Variants in MYOF observed in about 807,000 individuals in gnomAD.
MYOF encodes the protein myoferlin.
In MYOF, 244 loss-of-function variants were observed where a neutral mutation model predicts 284.2. The ratio of observed to expected loss-of-function variants is 0.86; its 90% CI spans 0.77 to 0.95. The LOEUF (loss-of-function observed/expected upper bound fraction) is 0.95. MYOF is among the 40% of genes least tolerant of loss of function. The probability of loss-of-function intolerance (pLI) is 0.00; values close to 1 mark genes in which losing one functional copy is unlikely to be tolerated. For missense variants in MYOF, 2,496 were observed against 2,560.6 expected (o/e 0.97, Z 0.54); for synonymous variants, 904 against 919.7 (o/e 0.98, Z 0.31).
chr10:93,307,932 G>A (rs1264037942), intron 53 of MYOF, among the ~76,000 whole-genome samples: 1 of 150,086 alleles, frequency 6.7e-6, no homozygotes, highest in Non-Finnish European at 1.5e-5. Context: ...GCTGCCAACA[G>A]AATCTAAATC....
Position 93,313,229 on chromosome 10 carries a change from G to A in MYOF, c.5699-19C>T. The stretch of plus-strand genomic sequence containing the variant: ...AGGAAACCTAGCCAAGGAAACAACA[G>A]TAAGTCCAAATGAGCTTCAAGTGGA... On this transcript the variant is annotated intron_variant, in intron 50 of 53. Coordinates refer to ENST00000359263, the MANE Select transcript of MYOF (RefSeq NM_013451.4). The A allele has an allele frequency of 1.9e-6, 3 of 1,607,482 alleles. No homozygotes were observed. Among genetic ancestry groups the A allele is most frequent in the African/African-American group, 1.3e-5 (1 of 74,904 alleles).
Position 93,366,411 on chromosome 10 carries a change from T to C in MYOF, c.2734A>G (p.Ile912Val), listed in dbSNP as rs368803942. ...ACTTACCTTCTTTCAGGATCAACTA[T>C]CCACTCTCCTTCCCATTCCCAGCCT... The part of the protein sequence containing the change: ...PKGWEWEGEW[I>V]VDPERSLLTE... The change falls in exon 26 of 54, where the codon ATA becomes GTA. Residue 912 changes from isoleucine (I) to valine (V), a missense_variant. Coordinates refer to ENST00000359263, the MANE Select transcript of MYOF (RefSeq NM_013451.4). 96 of 1,613,234 alleles carry C rather than the reference T, an allele frequency of 6.0e-5. No individual in the cohort carries two copies. Among genetic ancestry groups the C allele is most frequent in the Non-Finnish European group, 7.8e-5 (92 of 1,179,874 alleles).
At chr10:93,316,594 C>G (rs376308317) in intron 50 of MYOF, 120 bp downstream of exon 50, 1 of 865,708 alleles carries the variant, frequency 1.2e-6, no homozygotes, top group Non-Finnish European at 1.9e-6. Context: ...CCCTGTCCCC[C>G]CACCAGGCCC....
intron 1 of MYOF, among the ~76,000 whole-genome samples, chr10:93,460,382 T>C (rs921153498): frequency 1.3e-5 from 2 of 152,210 alleles, no homozygotes; most frequent in African/African-American, 2.4e-5. Flanking sequence ...CATTTGTTCA[T>C]TCATTCATTC....
At chr10:93,427,492 C>T (rs989988483) in intron 4 of MYOF, among the ~76,000 whole-genome samples, 2 of 135,566 alleles carry the variant, frequency 1.5e-5, no homozygotes, top group Non-Finnish European at 3.0e-5. Flanking sequence ...GATCGTGCCA[C>T]TGCACTCCAG....
At chr10:93,399,867 T>A (rs1459185091) in intron 12 of MYOF, among the ~76,000 whole-genome samples, 1 of 89,322 alleles carries the variant, frequency 1.1e-5, no homozygotes, top group South Asian at 5.3e-4. Context: ...CAAGACTCCA[T>A]CTCAAAACAA....
chr10:93,335,616 G>A (rs77920755), intron 41 of MYOF, among the ~76,000 whole-genome samples: 3,219 of 134,732 alleles, frequency 0.024, 125 homozygotes, highest in African/African-American at 0.081. Flanking sequence ...GAAGAGATGC[G>A]GAGATGGCTC....
intron 37 of MYOF, among the ~76,000 whole-genome samples, chr10:93,344,493 C>T (rs985608523): frequency 1.8e-4 from 27 of 151,854 alleles, no homozygotes; most frequent in Admixed American, 6.6e-5. Flanking sequence ...TAAGTGAGAA[C>T]ATACAGAGAG....
intron 19 of MYOF, among the ~76,000 whole-genome samples, chr10:93,383,436 G>A (rs1846217363): frequency 6.6e-6 from 1 of 152,146 alleles, no homozygotes; most frequent in African/African-American, 2.4e-5. Context: ...TGAATGACCT[G>A]AGGAAGCTTT....
At chr10:93,325,056 G>A (rs1358338257) in intron 46 of MYOF, among the ~76,000 whole-genome samples, 1 of 152,134 alleles carries the variant, frequency 6.6e-6, no homozygotes, top group Non-Finnish European at 1.5e-5. Flanking sequence ...GGGATTATAG[G>A]CATAAGCCAC....
chr10:93,361,393 C>T, intron 28 of MYOF, 59 bp downstream of exon 28: 1 of 1,547,670 alleles, frequency 6.5e-7, no homozygotes, highest in Non-Finnish European at 8.9e-7. Flanking sequence ...GAAACTTTAT[C>T]CTGGTTAACC....
At chr10:93,372,881 A>G (rs1845653775) in intron 24 of MYOF, 49 bp downstream of exon 24, 3 of 1,604,250 alleles carry the variant, frequency 1.9e-6, no homozygotes, top group Non-Finnish European at 2.6e-6. Context: ...TCTCAGGAAT[A>G]CAGCTTTTGC....
At chr10:93,343,359 A>T (rs1844020702) in intron 38 of MYOF, among the ~76,000 whole-genome samples, 1 of 152,230 alleles carries the variant, frequency 6.6e-6, no homozygotes, top group African/African-American at 2.4e-5. Flanking sequence ...AAATATGGTC[A>T]TTAGAAATTT....
chr10:93,333,196 A>G, intron 43 of MYOF, 25 bp downstream of exon 43: 1 of 1,593,054 alleles, frequency 6.3e-7, no homozygotes, highest in Non-Finnish European at 8.6e-7. Flanking sequence ...TGAAGGCCAG[A>G]AAAACATTTA....
chr10:93,450,447 G>A (rs1390644447), intron 3 of MYOF, among the ~76,000 whole-genome samples: 2 of 151,970 alleles, frequency 1.3e-5, no homozygotes, highest in East Asian at 3.9e-4. Flanking sequence ...AGAGGTGCAT[G>A]CCTGCAATCC....
In MYOF at chr10:93,369,689, ACTT is replaced by A. The variant is rs770716783; in HGVS notation, c.2542_2544del (p.Lys848del). On this transcript the variant is annotated inframe_deletion, in exon 25 of 54. Transcript: ENST00000359263. Reference sequence around the variant, plus strand: ...AAAGTTCCTTCTGCGAAGCTGTTAAACTTCTTCTCCACAGCACTTAAGCCTAGC... The same window carrying A: ...AAAGTTCCTTCTGCGAAGCTGTTAAACTTCTCCACAGCACTTAAGCCTAGC... 12 of 1,614,032 alleles carry A rather than the reference ACTT, an allele frequency of 7.4e-6. No individual in the cohort carries two copies. The highest frequency in any genetic ancestry group is 1.3e-5 in the African/African-American group (1 of 74,920).
chr10:93,341,465 C>CG (rs1417225500), intron 38 of MYOF, among the ~76,000 whole-genome samples: 2 of 151,956 alleles, frequency 1.3e-5, no homozygotes, highest in African/African-American at 2.4e-5. Context: ...TTAGTAGAGA[C>CG]GGGGTTTCAC....
chr10:93,396,747 C>T (rs954644781), intron 15 of MYOF, among the ~76,000 whole-genome samples: 1 of 152,242 alleles, frequency 6.6e-6, no homozygotes, highest in African/African-American at 2.4e-5. Flanking sequence ...CTGAATGCTA[C>T]ATCCAACTAG....
intron 53 of MYOF, among the ~76,000 whole-genome samples, chr10:93,307,727 T>C (rs533502939): frequency 6.7e-6 from 1 of 149,904 alleles, no homozygotes; most frequent in East Asian, 2.0e-4. Flanking sequence ...CAGGTTCAAG[T>C]GATTCTCCAG....
Sources: allele counts gnomAD v4.1 joint callset (sites outside exome capture counted in the v4.1 genomes callset), GRCh38; gene constraint gnomAD v4.1.1; transcripts MANE v1.5; gene names NCBI Gene and HGNC (gene_info 2026-07-23, HGNC 2026-07-21).